Variants in CCDC157 observed in about 807,000 individuals in gnomAD.
CCDC157 encodes the protein coiled-coil domain-containing protein 157.
A neutral mutation model predicts 70.9 loss-of-function variants in CCDC157; 60 were observed. That is an observed-to-expected ratio of 0.85 (90% confidence interval 0.69 to 1.05). CCDC157 has a LOEUF of 1.05. Among genes scored for constraint, CCDC157 ranks in the 50% least tolerant of loss-of-function variants. The pLI, the probability that CCDC157 is intolerant of heterozygous loss-of-function variation, is 0.00. For missense variants in CCDC157, 943 were observed against 984.2 expected (o/e 0.96, Z 0.56); for synonymous variants, 373 against 422.4 (o/e 0.88, Z 1.43).
At chr22:30,365,501 G>A (rs1392821527) in intron 2 of CCDC157, among the ~76,000 whole-genome samples, 1 of 152,112 alleles carries the variant, frequency 6.6e-6, no homozygotes, top group African/African-American at 2.4e-5. Flanking sequence ...CTCTGGAGCC[G>A]AAGTTGTTCA....
chr22:30,369,786 T>C (rs1932855451), intron 4 of CCDC157, 183 bp downstream of exon 4: 1 of 512,130 alleles, frequency 2.0e-6, no homozygotes, highest in South Asian at 4.0e-5. Context: ...AACGCAGGCC[T>C]TGGGGATCAT....
chr22:30,377,595 G>GCACT lies in CCDC157; in HGVS notation c.*850_*851insCACT, dbSNP rs1933432739. 6.5e-6 allele frequency: 1 copy of GCACT among 153,608 alleles called. No individual in the cohort carries two copies. The highest frequency in any genetic ancestry group is 2.4e-5 in the African/African-American group (1 of 41,484). 9.5% of individuals were successfully genotyped at this position (153,608 alleles called of 1,614,324 possible). A position where few individuals can be genotyped will look rare whatever the true frequency, so the allele number is the denominator to read the frequency against. ...GCCTGAAGCATTTTCCCTTGGTGAA[G>GCACT]AGGCCGTCAGGTAGAGCACCTCAGT... On this transcript the variant is annotated 3_prime_UTR_variant, in exon 12 of 12. Transcript: ENST00000338306.
rs1569191982 is a variant in CCDC157, at chr22:30,373,487, C to A, written c.1336-110C>A. 4 of 1,247,662 alleles carry A rather than the reference C, an allele frequency of 3.2e-6. No individual in the cohort carries two copies. In the African/African-American group the frequency reaches 5.9e-5, roughly 19 times the overall value. The allele number at this position is 1,247,662 out of a possible 1,614,324, so 77.3% of individuals were successfully genotyped here. ...ATTCCCTAGACACAGACACACACCC[C>A]AGGGGGGTAGCAGCCGAGGGGTAGT... is the stretch of plus-strand genomic sequence containing the variant. On this transcript the variant is annotated intron_variant, in intron 7 of 11. Transcript: ENST00000338306.
At chr22:30,366,589 T>G in intron 3 of CCDC157, 1 of 351,282 alleles carries the variant, frequency 2.8e-6, no homozygotes, top group Non-Finnish European at 5.7e-6. Context: ...GGGGACCCCA[T>G]AGTTGCTTCT....
chr22:30,376,264 C>CTTTTT lies in CCDC157; in HGVS notation c.1863_1864insTTTTT (p.Pro622PhefsTer94). ...CTTTTTTTTTTTTTTTGTAGCTGAT[C>CTTTTT]CCGCAGGACCGGCTCTGGTCCCCTT... On this transcript the variant is annotated frameshift_variant, in exon 11 of 12. Coordinates refer to ENST00000338306, the MANE Select transcript of CCDC157 (RefSeq NM_001017437.5). LOFTEE classifies it high-confidence loss of function. 1 of 1,533,102 alleles carries CTTTTT rather than the reference C, an allele frequency of 6.5e-7. No homozygotes were observed. The highest frequency in any genetic ancestry group is 8.9e-7 in the Non-Finnish European group (1 of 1,123,226). 95.0% of individuals were successfully genotyped at this position (1,533,102 alleles called of 1,614,324 possible).
rs984658693 is a variant in CCDC157, at chr22:30,377,150, A to G, written c.*405A>G. 9 of 218,110 alleles carry G rather than the reference A, an allele frequency of 4.1e-5. No individual in the cohort carries two copies. Among genetic ancestry groups the G allele is most frequent in the Non-Finnish European group, 7.4e-5 (8 of 108,052 alleles). 13.5% of individuals were successfully genotyped at this position (218,110 alleles called of 1,614,324 possible). On this transcript the variant is annotated 3_prime_UTR_variant, in exon 12 of 12. Transcript: ENST00000338306. The stretch of plus-strand genomic sequence containing the variant: ...GGGTCAGGTGGGAGTGGACAGAGGA[A>G]GGGCCGGTGAGGATGTCTGAAGCAG...
rs1343625515 is a variant in CCDC157 at position 30,377,852 on chromosome 22, C to T, written c.*1107C>T. 1.2e-5 allele frequency: 4 copies of T among 334,416 alleles called. No individual in the cohort carries two copies. The highest frequency in any genetic ancestry group is 7.8e-5 in the Admixed American group (2 of 25,726). 20.7% of individuals were successfully genotyped at this position (334,416 alleles called of 1,614,324 possible). A position where few individuals can be genotyped will look rare whatever the true frequency, so the allele number is the denominator to read the frequency against. ...AGCTCTCTCAGGCGCCCACCAACTC[C>T]GTGCCATGTATTCATTAGCTCCCAG... On this transcript the variant is annotated 3_prime_UTR_variant, in exon 12 of 12. Coordinates refer to ENST00000338306, the MANE Select transcript of CCDC157 (RefSeq NM_001017437.5).
At position 30,373,859 on chromosome 22, in the gene CCDC157, C is replaced by T. The variant is rs955571681; in HGVS notation, c.1504-64C>T. ...TGTCTTTTCTTGGGTAGGGACGGTGCCCCAGGGCGCTGAGTACCATGTAGC... is the reference window on the plus strand; with the variant it reads ...TGTCTTTTCTTGGGTAGGGACGGTGTCCCAGGGCGCTGAGTACCATGTAGC... On this transcript the variant is annotated intron_variant, in intron 8 of 11. Transcript: ENST00000338306. The T allele has an allele frequency of 1.0e-5, 16 of 1,548,330 alleles. No individual in the cohort carries two copies. In the African/African-American group the frequency reaches 1.8e-4, roughly 17 times the overall value.
intron 10 of CCDC157, chr22:30,375,925 T>C: frequency 1.8e-6 from 1 of 550,286 alleles, no homozygotes; most frequent in Non-Finnish European, 3.2e-6. Flanking sequence ...CGGCGGCTCA[T>C]GCCTGTAATC....
At chr22:30,358,449 C>T (rs1020014623) in intron 1 of CCDC157, among the ~76,000 whole-genome samples, 2 of 152,122 alleles carry the variant, frequency 1.3e-5, no homozygotes, top group African/African-American at 2.4e-5. Context: ...GTTATTTTGC[C>T]CTCAGTCCCT....
At chr22:30,375,051 T>C (rs1040152148) in intron 9 of CCDC157, 2 of 304,000 alleles carry the variant, frequency 6.6e-6, no homozygotes, top group Non-Finnish European at 1.3e-5. Flanking sequence ...CTCCACCTCC[T>C]GGGTTCAAGT....
rs770006012 is a variant in CCDC157 at position 30,366,112 on chromosome 22, C to G, written c.112C>G (p.Pro38Ala). Residue 38 changes from proline (P) to alanine (A), a missense_variant, in exon 3 of 12, where the codon CCC (proline) becomes GCC (alanine). By Grantham distance (27) the Pro-to-Ala change is conservative (BLOSUM62 -1). Coordinates refer to ENST00000338306, the MANE Select transcript of CCDC157 (RefSeq NM_001017437.5). ...CTCCCGCGCCGGGCCTGTGCGCTTC[C>G]CCTCCTGGAAGTTCCCTGACCGCAT... ...VFSRAGPVRF[P>A]SWKFPDRMAC... The G allele has an allele frequency of 6.2e-6, 10 of 1,613,184 alleles. No individual in the cohort carries two copies. In the South Asian group the frequency reaches 1.1e-4, roughly 18 times the overall value.
rs1349856385 is a variant in CCDC157, at chr22:30,378,164, T to C, written c.*1419T>C. 2.1e-6 allele frequency: 1 copy of C among 470,886 alleles called. No individual in the cohort carries two copies. The highest frequency in any genetic ancestry group is 2.0e-5 in the African/African-American group (1 of 50,074). The allele number at this position is 470,886 out of a possible 1,614,324, so 29.2% of individuals were successfully genotyped here. On this transcript the variant is annotated 3_prime_UTR_variant, in exon 12 of 12. Transcript: ENST00000338306. ...CCATCTTCAAGTCAACAACAGAGGA[T>C]TTCTCATGTGCTGAATCCCCCACAT...
intron 11 of CCDC157, 33 bp from the exon 12 acceptor site, chr22:30,376,400 T>G (rs768812282): frequency 6.2e-7 from 1 of 1,613,620 alleles, no homozygotes. Flanking sequence ...TTCCCTGCAT[T>G]CACAGGGGAT....
At chr22:30,356,944 G>A (rs1438795523), upstream of CCDC157, 2 of 603,990 alleles carry the variant, frequency 3.3e-6, no homozygotes, top group Non-Finnish European at 4.9e-6. Context: ...GCACTTCCGG[G>A]ACCGTCCCCT....
chr22:30,369,824 G>A, intron 4 of CCDC157: 2 of 480,684 alleles, frequency 4.2e-6, no homozygotes, highest in Admixed American at 3.8e-5. Context: ...TGACATCCCT[G>A]TGGGACTTTG....
At chr22:30,376,089 C>T (rs1156309676) in intron 10 of CCDC157, 170 bp from the exon 11 acceptor site, 1 of 616,124 alleles carries the variant, frequency 1.6e-6, no homozygotes, top group African/African-American at 1.9e-5. Context: ...CAAGGCTCTG[C>T]AGCTGAGAAT....
chr22:30,375,830 T>TA (rs1388774507), intron 10 of CCDC157, 167 bp downstream of exon 10: 1 of 642,100 alleles, frequency 1.6e-6, no homozygotes, highest in Non-Finnish European at 2.6e-6. Flanking sequence ...GTGAGGATGT[T>TA]ATGGATCCGA....
In CCDC157 at chr22:30,369,471, G is replaced by C; in HGVS notation, c.288G>C (p.Glu96Asp). 1 of 1,565,858 alleles carries C rather than the reference G, an allele frequency of 6.4e-7. No individual in the cohort carries two copies. Among genetic ancestry groups the C allele is most frequent in the Non-Finnish European group, 8.7e-7 (1 of 1,154,510 alleles). ...TTCAAAGCTGTATGAGCTACTTGGA[G>C]AACCTTGGCTCAGAGCAGATGATGC... ...LLLQSCMSYLENLGSEQMMPP... is the reference protein window; with the variant it reads ...LLLQSCMSYLDNLGSEQMMPP... The change falls in exon 4 of 12, where the codon GAG (glutamate) becomes GAC (aspartate). Residue 96 changes from glutamate (E) to aspartate (D), a missense_variant. Transcript: ENST00000338306.
Sources: gnomAD v4.1 joint callset for allele counts (sites outside exome capture counted in the v4.1 genomes callset) on GRCh38, gnomAD v4.1.1 for gene constraint, MANE v1.5 for transcripts, NCBI Gene and HGNC (gene_info 2026-07-23, HGNC 2026-07-21) for gene names.